WIPI1: variants seen among roughly 807,000 people sequenced by gnomAD.
WIPI1 encodes the protein WD repeat domain, phosphoinositide interacting 1, also known as WD repeat domain phosphoinositide-interacting protein 1.
Under a neutral mutation model 55.3 loss-of-function variants are expected in WIPI1, and 45 were observed. The ratio of observed to expected loss-of-function variants is 0.81; its 90% CI spans 0.64 to 1.04. The LOEUF is 1.04. Among genes scored for constraint, WIPI1 ranks in the 50% least tolerant of loss-of-function variants. The pLI, the probability that WIPI1 is intolerant of heterozygous loss-of-function variation, is 0.00. For missense variants in WIPI1, 445 were observed against 559.0 expected, an observed-to-expected ratio of 0.80 and a Z score of 2.06; for synonymous variants, 195 against 217.6, an observed-to-expected ratio of 0.90 and a Z score of 0.92.
chr17:68,424,925 G>C (rs766499346), intron 12 of WIPI1, among the ~76,000 whole-genome samples: 1 of 152,212 alleles, frequency 6.6e-6, no homozygotes, highest in Non-Finnish European at 1.5e-5. Flanking sequence ...ATGATTTCAG[G>C]TTGACTATCT....
chr17:68,457,303 G>C, intron 1 of WIPI1, 39 bp downstream of exon 1: 1 of 1,536,898 alleles, frequency 6.5e-7, no homozygotes, highest in Non-Finnish European at 8.8e-7. Flanking sequence ...CTGACACTCT[G>C]TCCCCCACCT....
chr17:68,428,577 TAGG>T, intron 10 of WIPI1: 1 of 408,620 alleles, frequency 2.4e-6, no homozygotes. Context: ...AGGGCTGTGT[TAGG>T]AGCATAGGCT....
chr17:68,435,100 G>A (rs982837727), intron 6 of WIPI1, among the ~76,000 whole-genome samples: 4 of 152,006 alleles, frequency 2.6e-5, no homozygotes, highest in South Asian at 2.1e-4. Flanking sequence ...TCAGCTACTC[G>A]GGAGGCTGAG....
At chr17:68,448,203 C>G (rs1276275272) in intron 3 of WIPI1, 1 of 152,352 alleles carries the variant, frequency 6.6e-6, no homozygotes, top group African/African-American at 2.4e-5. Flanking sequence ...CACAGAATCC[C>G]TACCTGGCAA....
At chr17:68,426,250 G>GGGGGGGGC in intron 11 of WIPI1, 75 bp from the exon 12 acceptor site, 2 of 828,060 alleles carry the variant, frequency 2.4e-6, no homozygotes, top group Non-Finnish European at 3.8e-6. Flanking sequence ...GGTGGGGAGC[G>GGGGGGGGC]GGGGCTCAAA....
At chr17:68,428,442 AGGCT>A (rs2083349504) in intron 10 of WIPI1, 2 of 185,354 alleles carry the variant, frequency 1.1e-5, no homozygotes, top group African/African-American at 4.7e-5. Context: ...CATGTTGCCC[AGGCT>A]GGTCTTGAAC....
chr17:68,421,601 C>T lies in WIPI1; in HGVS notation c.*172G>A, dbSNP rs1426568954. ...TCCCGCGCCCATTGGCAACCAGGGT[C>T]GTGGGAAGCTTGGTGAGGAGTTAAC... On this transcript the variant is annotated 3_prime_UTR_variant, in exon 13 of 13. Coordinates refer to ENST00000262139, the MANE Select transcript of WIPI1 (RefSeq NM_017983.7). 2.5e-5 allele frequency: 20 copies of T among 813,976 alleles called. No homozygotes were observed. The highest frequency in any genetic ancestry group is 1.0e-4 in the East Asian group (4 of 38,560). 50.4% of individuals were successfully genotyped at this position (813,976 alleles called of 1,614,324 possible). A position where few individuals can be genotyped will look rare whatever the true frequency, so the allele number is the denominator to read the frequency against.
chr17:68,432,804 G>GC (rs761864922), intron 8 of WIPI1, among the ~76,000 whole-genome samples: 25 of 152,130 alleles, frequency 1.6e-4, no homozygotes, highest in South Asian at 1.0e-3. Flanking sequence ...TAGAATCCTT[G>GC]CCCCCCACCG....
In WIPI1 at chr17:68,433,589, A is replaced by G; in HGVS notation, c.693-14T>C. The G allele has an allele frequency of 6.2e-7, 1 of 1,607,176 alleles. No homozygotes were observed. Among genetic ancestry groups the G allele is most frequent in the Non-Finnish European group, 8.5e-7 (1 of 1,173,970 alleles). The stretch of plus-strand genomic sequence containing the variant: ...ATTGTCACATACCTACAAGCACAGC[A>G]ACACATGGGTCAGTGAGCAAGAGAA... On this transcript the variant is annotated splice_polypyrimidine_tract_variant and intron_variant, in intron 7 of 12. Transcript: ENST00000262139.
At chr17:68,438,106 A>C (rs2083908020) in intron 4 of WIPI1, among the ~76,000 whole-genome samples, 1 of 152,148 alleles carries the variant, frequency 6.6e-6, no homozygotes, top group South Asian at 2.1e-4. Context: ...AAGAAAGTAA[A>C]CATTTAGAGT....
chr17:68,433,606 G>A, intron 7 of WIPI1, 31 bp from the exon 8 acceptor site: 1 of 1,581,704 alleles, frequency 6.3e-7, no homozygotes, highest in Non-Finnish European at 8.7e-7. Context: ...GGGTCAGTGA[G>A]CAAGAGAAAT....
intron 3 of WIPI1, among the ~76,000 whole-genome samples, chr17:68,444,994 C>T (rs1426349323): frequency 6.8e-6 from 1 of 148,006 alleles, no homozygotes; most frequent in Non-Finnish European, 1.5e-5. Flanking sequence ...AATCTCAGCT[C>T]ACTGCAACCT....
intron 10 of WIPI1, chr17:68,427,652 C>A: frequency 5.9e-6 from 1 of 168,080 alleles, no homozygotes; most frequent in South Asian, 1.4e-4. Flanking sequence ...GCTGCTGGGC[C>A]AGGATGAGCT....
chr17:68,454,310 A>G (rs991818270), intron 1 of WIPI1, among the ~76,000 whole-genome samples: 3 of 152,232 alleles, frequency 2.0e-5, no homozygotes, highest in Non-Finnish European at 4.4e-5. Flanking sequence ...CACTCTTTAC[A>G]GGGAAGCATA....
At chr17:68,433,167 T>C (rs79199626) in intron 8 of WIPI1, among the ~76,000 whole-genome samples, 12,679 of 152,326 alleles carry the variant, frequency 0.083, 687 homozygotes, top group South Asian at 0.21. Flanking sequence ...TTAATACTAC[T>C]GTTATGTTCA....
At chr17:68,453,024 G>T (rs757303152) in intron 1 of WIPI1, 32 bp from the exon 2 acceptor site, 6 of 1,557,980 alleles carry the variant, frequency 3.9e-6, no homozygotes, top group Non-Finnish European at 5.3e-6. Context: ...TGGGAATAAC[G>T]ACAGGTATTC....
intron 1 of WIPI1, among the ~76,000 whole-genome samples, chr17:68,455,097 C>T (rs1004142621): frequency 6.6e-6 from 1 of 152,110 alleles, no homozygotes; most frequent in South Asian, 2.1e-4. Context: ...CATAGTGTGT[C>T]ACATCTGTAA....
At chr17:68,433,760 G>GTTTTTTTTTTTTTTTTTT (rs556777098) in intron 7 of WIPI1, among the ~76,000 whole-genome samples, 185 bp from the exon 8 acceptor site, 1 of 72,818 alleles carries the variant, frequency 1.4e-5, no homozygotes, top group African/African-American at 6.6e-5. Context: ...AAGGGTCATA[G>GTTTTTTTTTTTTTTTTTT]TTTTTTTTTT....
intron 2 of WIPI1, among the ~76,000 whole-genome samples, chr17:68,451,621 G>A (rs144462881): frequency 1.3e-5 from 2 of 152,258 alleles, no homozygotes; most frequent in East Asian, 1.9e-4. Flanking sequence ...TTTCAAAGGC[G>A]TGACTTCTCA....
Sources: allele counts gnomAD v4.1 joint callset (sites outside exome capture counted in the v4.1 genomes callset), GRCh38; gene constraint gnomAD v4.1.1; transcripts MANE v1.5; gene names NCBI Gene and HGNC (gene_info 2026-07-23, HGNC 2026-07-21).